PRICKLE2: variants seen among roughly 807,000 people sequenced by gnomAD.
PRICKLE2 encodes the protein prickle planar cell polarity protein 2.
PRICKLE2 carries 21 observed loss-of-function variants against 81.4 expected under a neutral mutation model. The observed-to-expected ratio is 0.26, with a 90% CI of 0.18 to 0.37. The LOEUF (loss-of-function observed/expected upper bound fraction) is 0.37, where lower values mean the gene tolerates loss of function less well. Among genes scored for constraint, PRICKLE2 ranks in the 10% least tolerant of loss-of-function variants. The pLI is 1.00. For synonymous variants in PRICKLE2, 456 were observed against 421.5 expected (o/e 1.08, Z -1.00); for missense variants, 940 against 1,109.0 (o/e 0.85, Z 2.16).
At chr3:64,164,073 C>G (rs1453917560) in intron 2 of PRICKLE2, among the ~76,000 whole-genome samples, 1 of 152,114 alleles carries the variant, frequency 6.6e-6, no homozygotes, top group Non-Finnish European at 1.5e-5. Context: ...ACTGAGGGCT[C>G]TGAAAGTCAT....
At chr3:64,242,379 C>G (rs1028906062) in intron 2 of PRICKLE2, among the ~76,000 whole-genome samples, 1 of 152,184 alleles carries the variant, frequency 6.6e-6, no homozygotes, top group African/African-American at 2.4e-5. Flanking sequence ...ATTCCTTCAC[C>G]TAATCACTTC....
intron 3 of PRICKLE2, 81 bp from the exon 4 acceptor site, chr3:64,160,158 C>A (rs1441693040): frequency 2.7e-6 from 4 of 1,457,056 alleles, no homozygotes; most frequent in Admixed American, 1.7e-5. Context: ...TGAGTTTTCT[C>A]GTTAAATACA....
At chr3:64,263,270 A>C (rs996065233) in intron 2 of PRICKLE2, among the ~76,000 whole-genome samples, 1 of 152,160 alleles carries the variant, frequency 6.6e-6, no homozygotes, top group Non-Finnish European at 1.5e-5. Context: ...ACATTACATC[A>C]CTTGTACCCG....
At chr3:64,128,973 T>C (rs2077158297) in intron 7 of PRICKLE2, among the ~76,000 whole-genome samples, 1 of 152,076 alleles carries the variant, frequency 6.6e-6, no homozygotes, top group Non-Finnish European at 1.5e-5. Flanking sequence ...TTCCTTGATG[T>C]GGAGGCTGTC....
At chr3:64,119,530 T>C (rs1199753573) in intron 7 of PRICKLE2, among the ~76,000 whole-genome samples, 1 of 152,130 alleles carries the variant, frequency 6.6e-6, no homozygotes, top group Admixed American at 6.5e-5. Flanking sequence ...CCAGTCAGAA[T>C]GGCTACTATT....
Position 64,099,739 on chromosome 3 carries a change from T to A in PRICKLE2, c.1847A>T (p.Glu616Val), listed in dbSNP as rs1472195419. 1 of 1,614,200 alleles carries A rather than the reference T, an allele frequency of 6.2e-7. No homozygotes were observed. Among genetic ancestry groups the A allele is most frequent in the Admixed American group, 1.7e-5 (1 of 60,030 alleles). The change falls in exon 8 of 8, where the codon GAG becomes GTG. Residue 616 changes from glutamate (E) to valine (V), a missense_variant. This residue lies in a region of PRICKLE2 where 670 missense variants were observed against 717.2 expected (regional missense o/e 0.93). Coordinates refer to ENST00000638394, the MANE Select transcript of PRICKLE2 (RefSeq NM_198859.4). This position sits in a 1 kb window ranked among gnomAD's most constrained non-coding sequence, Gnocchi z 4.3. ...RSLLSAQQYQ[E>V]MEGNLHQLSN... ...GAGCTGGTGGAGGTTTCCCTCCATC[T>A]CCTGGTACTGCTGGGCAGAGAGCAG...
chr3:64,198,567 T>C (rs2078506824), intron 2 of PRICKLE2: 1 of 629,404 alleles, frequency 1.6e-6, no homozygotes, highest in African/African-American at 1.8e-5. Flanking sequence ...CAGTTAATAA[T>C]GACAATACAG....
At chr3:64,247,106 A>G (rs2079369831) in intron 2 of PRICKLE2, among the ~76,000 whole-genome samples, 1 of 152,246 alleles carries the variant, frequency 6.6e-6, no homozygotes, top group Non-Finnish European at 1.5e-5. Context: ...CAGTGCTGGT[A>G]GCAACTGGCC....
chr3:64,165,991 TGTGTGTGTGTGTGTGTG>T (rs1559551997), intron 2 of PRICKLE2, among the ~76,000 whole-genome samples: 9 of 151,328 alleles, frequency 5.9e-5, no homozygotes, highest in African/African-American at 1.7e-4. Flanking sequence ...TGTGTGTGTG[TGTGTGTGTGTGTGTGTG>T]TGTGTGTTTT....
chr3:64,126,609 GCT>G (rs1378980730), intron 7 of PRICKLE2, among the ~76,000 whole-genome samples: 11 of 152,112 alleles, frequency 7.2e-5, no homozygotes, highest in Non-Finnish European at 1.2e-4. Context: ...ACGGAGTCTT[GCT>G]CTGTTGCCCA....
chr3:64,235,167 A>T (rs1315923963), intron 2 of PRICKLE2, among the ~76,000 whole-genome samples: 1 of 152,136 alleles, frequency 6.6e-6, no homozygotes, highest in Admixed American at 6.5e-5. Context: ...GAACCCCTCT[A>T]GTCAATTTTT....
At chr3:64,124,485 T>C (rs1217051364) in intron 7 of PRICKLE2, among the ~76,000 whole-genome samples, 1 of 152,208 alleles carries the variant, frequency 6.6e-6, no homozygotes, top group Non-Finnish European at 1.5e-5. Context: ...AGTACCTTAC[T>C]AGCTAAAGAG....
chr3:64,099,312 C>T lies in PRICKLE2; in HGVS notation c.2274G>A (p.Gln758=), dbSNP rs2076615763. ...GTCCCCAGCGGTCCCCAAAGGCATT[C>T]TGCAAAGCCAGGTCCGACACAGTCC... The part of the protein sequence containing the change: ...CPRTVSDLAL[Q]NAFGDRWGPY... Residue 758 remains glutamine (Q), a synonymous_variant, in exon 8 of 8, where the codon CAG becomes CAA. Transcript: ENST00000638394. This position sits in a 1 kb window ranked among gnomAD's most constrained non-coding sequence, Gnocchi z 4.3. 1 of 1,614,238 alleles carries T rather than the reference C, an allele frequency of 6.2e-7. No homozygotes were observed. Among genetic ancestry groups the T allele is most frequent in the East Asian group, 2.2e-5 (1 of 44,874 alleles).
At position 64,225,153 on chromosome 3, in the gene PRICKLE2, C is replaced by A; in HGVS notation, c.-284G>T. The A allele has an allele frequency of 1.0e-6, 1 of 985,462 alleles. No individual in the cohort carries two copies. Among genetic ancestry groups the A allele is most frequent in the Non-Finnish European group, 1.2e-6 (1 of 830,010 alleles). 61.0% of individuals were successfully genotyped at this position (985,462 alleles called of 1,614,324 possible). A position where few individuals can be genotyped will look rare whatever the true frequency, so the allele number is the denominator to read the frequency against. On this transcript the variant is annotated 5_prime_UTR_variant, in exon 1 of 8. Transcript: ENST00000638394. ...GGAAAACAGCACTGCTGGATCCAGA[C>A]TCTGCTGGGGAATTCACCAAGCAAG...
intron 2 of PRICKLE2, among the ~76,000 whole-genome samples, chr3:64,257,997 A>C (rs3846225): frequency 0.57 from 86,432 of 151,936 alleles, 25,819 homozygotes; most frequent in Non-Finnish European, 0.65. Flanking sequence ...ACCAGAAAGC[A>C]AACCCTCATC....
At chr3:64,247,123 C>A (rs914092250) in intron 2 of PRICKLE2, among the ~76,000 whole-genome samples, 3 of 152,196 alleles carry the variant, frequency 2.0e-5, no homozygotes, top group African/African-American at 7.2e-5. Context: ...GGCCGAGCTG[C>A]CCCTAGAATC....
At chr3:64,246,922 G>A (rs1290424469) in intron 2 of PRICKLE2, among the ~76,000 whole-genome samples, 1 of 152,166 alleles carries the variant, frequency 6.6e-6, no homozygotes, top group Non-Finnish European at 1.5e-5. Flanking sequence ...CAGAGGAGGG[G>A]CACGATGTAG....
chr3:64,212,533 T>C (rs1220292164), intron 1 of PRICKLE2, among the ~76,000 whole-genome samples: 1 of 152,208 alleles, frequency 6.6e-6, no homozygotes, highest in Non-Finnish European at 1.5e-5. Context: ...GAAGTACTTG[T>C]TTAGTCTCTA....
intron 2 of PRICKLE2, among the ~76,000 whole-genome samples, chr3:64,245,556 T>C (rs549014511): frequency 6.6e-6 from 1 of 152,312 alleles, no homozygotes; most frequent in Non-Finnish European, 1.5e-5. Context: ...AGAGGTGACG[T>C]GTGTTGCAAC....
Sources: gnomAD v4.1 joint callset for allele counts (sites outside exome capture counted in the v4.1 genomes callset) on GRCh38, gnomAD v4.1.1 for gene constraint, gnomAD v4.1.1 regional missense constraint, Gnocchi (gnomAD v3.1) non-coding constraint, MANE v1.5 for transcripts, NCBI Gene and HGNC (gene_info 2026-07-23, HGNC 2026-07-21) for gene names.